MARK4: variants seen among roughly 807,000 people sequenced by gnomAD.
MARK4 encodes the protein microtubule affinity regulating kinase 4, also known as MAP/microtubule affinity-regulating kinase 4.
A neutral mutation model predicts 81.5 loss-of-function variants in MARK4; 19 were observed. The ratio of observed to expected loss-of-function variants is 0.23; its 90% confidence interval spans 0.16 to 0.34. The LOEUF is 0.34. Ranked by LOEUF, MARK4 falls within the 10% of genes least tolerant of loss-of-function variation. The pLI is 1.00. For missense variants in MARK4, 772 were observed against 1,058.8 expected, an observed-to-expected ratio of 0.73 and a Z score of 3.76; for synonymous variants, 436 against 439.0, an observed-to-expected ratio of 0.99 and a Z score of 0.08.
In MARK4 at chr19:45,280,476, A is replaced by C. The variant is rs897629217; in HGVS notation, c.1109A>C (p.Lys370Thr). The part of the protein sequence containing the change: ...VTATYLLLGR[K>T]TEEGGDRGAP... Reference sequence around the variant, plus strand: ...GCCACCTACCTCCTGCTGGGCAGGAAGACTGAGGTCAGGGGGCGCCAGGGG... The same window carrying C: ...GCCACCTACCTCCTGCTGGGCAGGACGACTGAGGTCAGGGGGCGCCAGGGG... The change falls in exon 11 of 17, where the codon AAG becomes ACG. Residue 370 changes from lysine to threonine, a missense_variant. Transcript: ENST00000262891. 1 of 1,614,030 alleles carries C rather than the reference A, an allele frequency of 6.2e-7. No homozygotes were observed. The highest frequency in any genetic ancestry group is 8.5e-7 in the Non-Finnish European group (1 of 1,179,982).
chr19:45,267,060 T>C (rs1222187069), intron 7 of MARK4, among the ~76,000 whole-genome samples: 1 of 151,338 alleles, frequency 6.6e-6, no homozygotes, highest in Non-Finnish European at 1.5e-5. Context: ...GAAGGCTTCG[T>C]TTTTATTTTT....
chr19:45,299,559 G>T (rs185863020), intron 15 of MARK4, among the ~76,000 whole-genome samples: 32 of 152,348 alleles, frequency 2.1e-4, no homozygotes, highest in African/African-American at 7.7e-4. Context: ...ATGTAAGGGT[G>T]TGTCTCTGCC....
At chr19:45,267,219 CA>C (rs1278137660) in intron 7 of MARK4, among the ~76,000 whole-genome samples, 4 of 151,980 alleles carry the variant, frequency 2.6e-5, no homozygotes, top group African/African-American at 9.7e-5. Flanking sequence ...TCACCATGCC[CA>C]GCTATTTTTG....
At chr19:45,287,381 G>C in intron 12 of MARK4, 66 bp from the exon 13 acceptor site, 1 of 1,144,962 alleles carries the variant, frequency 8.7e-7, no homozygotes, top group African/African-American at 1.6e-5. Flanking sequence ...AGGTTCCAAC[G>C]ATCCCCCAGA....
chr19:45,296,157 C>T (rs1412342487), intron 14 of MARK4, among the ~76,000 whole-genome samples: 1 of 152,090 alleles, frequency 6.6e-6, no homozygotes, highest in Non-Finnish European at 1.5e-5. Flanking sequence ...CACTGTAGTA[C>T]ATGGCCTTCC....
At chr19:45,261,991 A>G (rs1454605798) in intron 2 of MARK4, among the ~76,000 whole-genome samples, 1 of 152,004 alleles carries the variant, frequency 6.6e-6, no homozygotes, top group Non-Finnish European at 1.5e-5. Flanking sequence ...TGACATTCTG[A>G]TTTCCTCCCC....
At chr19:45,266,489 G>A (rs879898008) in intron 7 of MARK4, among the ~76,000 whole-genome samples, 1 of 152,042 alleles carries the variant, frequency 6.6e-6, no homozygotes, top group Non-Finnish European at 1.5e-5. Context: ...GAGCGGATGG[G>A]GGGGAGGGGA....
intron 13 of MARK4, among the ~76,000 whole-genome samples, chr19:45,290,965 G>A (rs965856981): frequency 1.3e-5 from 2 of 152,186 alleles, no homozygotes; most frequent in African/African-American, 4.8e-5. Flanking sequence ...AGGGCCTTGG[G>A]GAAACAGATC....
At position 45,287,632 on chromosome 19, in the gene MARK4, C is replaced by G. The variant is rs1255703084; in HGVS notation, c.1462C>G (p.Pro488Ala). The change falls in exon 13 of 17, where the codon CCA (proline) becomes GCA (alanine). Residue 488 changes from proline (P) to alanine (A), a missense_variant. Pro to Ala is a conservative substitution (Grantham distance 27). Coordinates refer to ENST00000262891, the MANE Select transcript of MARK4 (RefSeq NM_001199867.2). The stretch of plus-strand genomic sequence containing the variant: ...CCACAACCCCAACAAGGCAGAGATC[C>G]CAGAGCGGCGGAAGGACAGCACGAG... ...SAHNPNKAEI[P>A]ERRKDSTSTP... 1.3e-6 allele frequency: 2 copies of G among 1,597,770 alleles called. No homozygotes were observed. Among genetic ancestry groups the G allele is most frequent in the Admixed American group, 1.7e-5 (1 of 58,564 alleles).
intron 2 of MARK4, chr19:45,262,855 C>T: frequency 2.3e-6 from 1 of 440,874 alleles, no homozygotes; most frequent in Non-Finnish European, 4.2e-6. Flanking sequence ...ACCTCTGCCT[C>T]CCAGGCTCAA....
At chr19:45,254,415 G>A (rs1457258885) in intron 1 of MARK4, among the ~76,000 whole-genome samples, 1 of 152,160 alleles carries the variant, frequency 6.6e-6, no homozygotes, top group Non-Finnish European at 1.5e-5. Flanking sequence ...TTATCTTGGT[G>A]GGGATCGGAG....
At chr19:45,256,798 C>G (rs1267646805) in intron 1 of MARK4, among the ~76,000 whole-genome samples, 1 of 152,242 alleles carries the variant, frequency 6.6e-6, no homozygotes, top group Admixed American at 6.5e-5. Context: ...TTGAAGGTTT[C>G]TGACGACCCT....
intron 1 of MARK4, 70 bp downstream of exon 1, chr19:45,251,709 C>G (rs1370445011): frequency 7.2e-7 from 1 of 1,387,830 alleles, no homozygotes; most frequent in Non-Finnish European, 9.7e-7. Context: ...CCCGTTGTAC[C>G]CCTCGCCCCG....
intron 1 of MARK4, among the ~76,000 whole-genome samples, chr19:45,256,153 C>A (rs1222581970): frequency 6.6e-6 from 1 of 152,142 alleles, no homozygotes; most frequent in Non-Finnish European, 1.5e-5. Flanking sequence ...GACTTGGTTA[C>A]CCTGCAGGGG....
rs1568500532 is a variant in MARK4 at position 45,287,465 on chromosome 19, C to T, written c.1295C>T (p.Pro432Leu). ...CCCCCAGGTGGCCCATCCCCTGCAC[C>T]CCTGCACCCCAAACGCAGCCCGACG... ...HSDFCGPSPA[P>L]LHPKRSPTST... The change falls in exon 13 of 17, where the codon CCC becomes CTC. Residue 432 changes from proline (P) to leucine (L), a missense_variant. Around this residue, in one of 3 missense-constraint regions of MARK4, gnomAD observed 548 missense variants for 624.3 expected, o/e 0.88. Coordinates refer to ENST00000262891, the MANE Select transcript of MARK4 (RefSeq NM_001199867.2). The T allele has an allele frequency of 3.4e-6, 5 of 1,469,942 alleles. No homozygotes were observed. In the East Asian group the frequency reaches 7.4e-5, roughly 22 times the overall value. The allele number at this position is 1,469,942 out of a possible 1,614,324, so 91.1% of individuals were successfully genotyped here. A position where few individuals can be genotyped will look rare whatever the true frequency, so the allele number is the denominator to read the frequency against.
Position 45,264,260 on chromosome 19 carries a change from G to C in MARK4, c.356-424G>C, listed in dbSNP as rs897870201. ...CTCACGTCTGTAATCCCAGCACTTT[G>C]GGAGGCCGAGGCGGGTGGATGACCT... On this transcript the variant is annotated intron_variant, in intron 4 of 16. Coordinates refer to ENST00000262891, the MANE Select transcript of MARK4 (RefSeq NM_001199867.2). Among the ~76,000 whole-genome samples the C allele has an allele frequency of 9.2e-5, 14 of 151,978 alleles. 1 individual carries two copies. Among genetic ancestry groups the C allele is most frequent in the African/African-American group, 3.4e-4 (14 of 41,354 alleles).
At chr19:45,258,927 C>A in intron 1 of MARK4, 62 bp from the exon 2 acceptor site, 1 of 1,564,080 alleles carries the variant, frequency 6.4e-7, no homozygotes. Context: ...GTTAAGTGCA[C>A]TAGCCCACGG....
At chr19:45,261,327 T>C (rs562228759) in intron 2 of MARK4, among the ~76,000 whole-genome samples, 11 of 152,290 alleles carry the variant, frequency 7.2e-5, no homozygotes, top group African/African-American at 2.4e-4. Context: ...AAACAGAACC[T>C]GGCAAATCAA....
At chr19:45,270,120 G>A (rs1027369050) in intron 7 of MARK4, among the ~76,000 whole-genome samples, 2 of 152,116 alleles carry the variant, frequency 1.3e-5, no homozygotes, top group South Asian at 2.1e-4. Context: ...GAGCTACCGC[G>A]CCCGGCCATG....
Sources: gnomAD v4.1 joint callset for allele counts (sites outside exome capture counted in the v4.1 genomes callset) on GRCh38, gnomAD v4.1.1 for gene constraint, gnomAD v4.1.1 regional missense constraint, MANE v1.5 for transcripts, NCBI Gene and HGNC (gene_info 2026-07-23, HGNC 2026-07-21) for gene names.